The following TSBP1 variants were observed in gnomAD, a reference collection of about 807,000 sequenced individuals.
TSBP1 encodes the protein testis-expressed basic protein 1.
Under a neutral mutation model 68.8 loss-of-function variants are expected in TSBP1, and 56 were observed. The observed-to-expected ratio is 0.81, with a 90% CI of 0.66 to 1.02. TSBP1 has a LOEUF of 1.02. TSBP1 is among the 50% of genes least tolerant of loss of function. TSBP1 has a pLI of 0.00. For missense variants in TSBP1, 502 were observed against 641.2 expected, an observed-to-expected ratio of 0.78 and a Z score of 2.34; for synonymous variants, 171 against 208.7, an observed-to-expected ratio of 0.82 and a Z score of 1.56.
chr6:32,334,278 CT>C (rs1280287254), intron 14 of TSBP1, among the ~76,000 whole-genome samples: 15 of 151,850 alleles, frequency 9.9e-5, no homozygotes, highest in African/African-American at 3.6e-4. Flanking sequence ...AAATTTTCTC[CT>C]ATTTATCTCT....
chr6:32,347,582 C>T (rs1320695802), intron 9 of TSBP1, among the ~76,000 whole-genome samples: 1 of 152,132 alleles, frequency 6.6e-6, no homozygotes, highest in Non-Finnish European at 1.5e-5. Flanking sequence ...GATGGTCATT[C>T]TCTCCCATTT....
chr6:32,367,487 AG>A (rs1404127023), intron 4 of TSBP1, among the ~76,000 whole-genome samples: 6 of 152,204 alleles, frequency 3.9e-5, no homozygotes, highest in Non-Finnish European at 8.8e-5. Context: ...CTCCTCAGCT[AG>A]GTGAACTTGA....
chr6:32,336,551 G>C lies in TSBP1; in HGVS notation c.430+64C>G. 1 of 1,339,530 alleles carries C rather than the reference G, an allele frequency of 7.5e-7. No homozygotes were observed. Among genetic ancestry groups the C allele is most frequent in the South Asian group, 1.2e-5 (1 of 84,586 alleles). The allele number at this position is 1,339,530 out of a possible 1,614,324, so 83.0% of individuals were successfully genotyped here. A position where few individuals can be genotyped will look rare whatever the true frequency, so the allele number is the denominator to read the frequency against. ...TTTTTAAAAATGCAGGGCAGATCAG[G>C]CCCCAAGACCTTGTAGGTCAGATAT... On this transcript the variant is annotated intron_variant, in intron 12 of 22. Transcript: ENST00000612031. The surrounding 1 kb of genome is among the most constrained non-coding windows in gnomAD (Gnocchi z 5.2).
rs1294809629 is a variant in TSBP1, at chr6:32,365,276, G to A, written c.217+891C>T. 1.3e-5 allele frequency: 6 copies of A among 456,234 alleles called. No homozygotes were observed. The East Asian group carries it at 2.8e-4, about 21-fold the overall frequency. The allele number at this position is 456,234 out of a possible 1,614,324, so 28.3% of individuals were successfully genotyped here. A position where few individuals can be genotyped will look rare whatever the true frequency, so the allele number is the denominator to read the frequency against. Reference sequence around the variant, plus strand: ...AGAGCCTTCCCTTTGTTTTCCCTAGGGTGGTGCTCTGGAATTCTCAAGTTT... The same window carrying A: ...AGAGCCTTCCCTTTGTTTTCCCTAGAGTGGTGCTCTGGAATTCTCAAGTTT... On this transcript the variant is annotated intron_variant, in intron 6 of 22. Transcript: ENST00000612031. The surrounding 1 kb of genome is among the most constrained non-coding windows in gnomAD (Gnocchi z 4.3).
chr6:32,310,192 T>C (rs1766241678), intron 19 of TSBP1, among the ~76,000 whole-genome samples: 1 of 149,812 alleles, frequency 6.7e-6, no homozygotes, highest in Non-Finnish European at 1.5e-5. Flanking sequence ...TCTCTGGTTG[T>C]CTTTATGATT....
intron 4 of TSBP1, among the ~76,000 whole-genome samples, chr6:32,367,301 C>G (rs1044035898): frequency 6.6e-6 from 1 of 150,528 alleles, no homozygotes; most frequent in South Asian, 2.1e-4. Flanking sequence ...CATCTATAGG[C>G]AGCCCTGGTG....
rs563122445 is a variant in TSBP1, at chr6:32,368,939, A to G, written c.101-125T>C. On this transcript the variant is annotated intron_variant, in intron 2 of 22. Coordinates refer to ENST00000612031, the Ensembl canonical transcript of TSBP1. Reference sequence around the variant, plus strand: ...CAAGGTGGTCCTCCTGATATAATGCATTGTTGTTCTCACCCATTTTCCACA... The same window carrying G: ...CAAGGTGGTCCTCCTGATATAATGCGTTGTTGTTCTCACCCATTTTCCACA... The G allele has an allele frequency of 2.8e-4, 322 of 1,136,810 alleles. 1 individual carries two copies. The highest frequency in any genetic ancestry group is 3.6e-4 in the Non-Finnish European group (302 of 831,512). 70.4% of individuals were successfully genotyped at this position (1,136,810 alleles called of 1,614,324 possible). A position where few individuals can be genotyped will look rare whatever the true frequency, so the allele number is the denominator to read the frequency against.
At position 32,293,155 on chromosome 6, in the gene TSBP1, ATCTC is replaced by A. The variant is rs1487191599; in HGVS notation, c.1514_1517del (p.Arg505MetfsTer67). The A allele has an allele frequency of 6.3e-7, 1 of 1,590,926 alleles. No homozygotes were observed. Among genetic ancestry groups the A allele is most frequent in the African/African-American group, 1.4e-5 (1 of 73,446 alleles). ...CTTTTTTATTTGGATCTTTCTCTGCATCTCTCTCCTTTTCTTTATCATTATTTCC... is the reference window on the plus strand; with the variant it reads ...CTTTTTTATTTGGATCTTTCTCTGCATCTCCTTTTCTTTATCATTATTTCC... On this transcript the variant is annotated frameshift_variant, in exon 23 of 23. Transcript: ENST00000612031. LOFTEE classifies it low-confidence loss of function (END_TRUNC).
chr6:32,295,352 A>C (rs879699369), intron 22 of TSBP1, among the ~76,000 whole-genome samples: 6,954 of 111,636 alleles, frequency 0.062, 181 homozygotes, highest in Non-Finnish European at 0.096. Flanking sequence ...ACACACACAA[A>C]AAAAAAAAAA....
chr6:32,366,159 A>T lies in TSBP1; in HGVS notation c.217+8T>A. 1.2e-6 allele frequency: 2 copies of T among 1,602,950 alleles called. No individual in the cohort carries two copies. The highest frequency in any genetic ancestry group is 1.7e-4 in the Middle Eastern group (1 of 5,942). On this transcript the variant is annotated splice_region_variant and intron_variant, in intron 6 of 22. Transcript: ENST00000612031. The stretch of plus-strand genomic sequence containing the variant: ...TTTAATTTTACAAAAATCTCTACAT[A>T]TACTTACCTCGGTTATCATATGAAG...
rs79941607 is a variant in TSBP1, at chr6:32,338,213, C to G, written c.409+766G>C. ...AATGGTTCTTAAACGTTGGTATGCA[C>G]GCAAATCACCTGGGAATCTTATTAA... is the stretch of plus-strand genomic sequence containing the variant. On this transcript the variant is annotated intron_variant, in intron 11 of 22. Transcript: ENST00000612031. The surrounding 1 kb of genome is among the most constrained non-coding windows in gnomAD (Gnocchi z 5.5). Among the ~76,000 whole-genome samples the G allele has an allele frequency of 3.8e-3, 577 of 152,156 alleles. 17 individuals are homozygous for G. The highest frequency in any genetic ancestry group is 0.037 in the Admixed American group (563 of 15,272).
chr6:32,295,358 A>G (rs150419191), intron 22 of TSBP1, among the ~76,000 whole-genome samples: 1 of 148,794 alleles, frequency 6.7e-6, no homozygotes, highest in Non-Finnish European at 1.5e-5. Flanking sequence ...ACAAAAAAAA[A>G]AAAAAAAAAA....
rs1212818786 is a variant in TSBP1 at position 32,338,675 on chromosome 6, C to T, written c.409+304G>A. ...AAGTAGAATGGCCACCATCAAGCCT[C>T]TTTCTTTGAGTGTTACTGGGTTTTC... On this transcript the variant is annotated intron_variant, in intron 11 of 22. Transcript: ENST00000612031. The surrounding 1 kb of genome is among the most constrained non-coding windows in gnomAD (Gnocchi z 5.5). 2.0e-5 allele frequency among the ~76,000 whole-genome samples: 3 copies of T among 152,150 alleles called. No homozygotes were observed. Among genetic ancestry groups the T allele is most frequent in the African/African-American group, 7.2e-5 (3 of 41,428 alleles).
Position 32,325,890 on chromosome 6 carries a change from T to C in TSBP1, c.515-2276A>G, listed in dbSNP as rs577815444. ...ATCATGGAGGAAACTTCAGTGGTTG[T>C]GGTGGCTTTGGTGGCAGCTGTGGTG... On this transcript the variant is annotated intron_variant, in intron 16 of 22. Transcript: ENST00000612031. This position sits in a 1 kb window ranked among gnomAD's most constrained non-coding sequence, Gnocchi z 4.4. 71 of 1,510,968 alleles carry C rather than the reference T, an allele frequency of 4.7e-5. No individual in the cohort carries two copies. Among genetic ancestry groups the C allele is most frequent in the Non-Finnish European group, 1.2e-5 (13 of 1,101,158 alleles). The allele number at this position is 1,510,968 out of a possible 1,614,324, so 93.6% of individuals were successfully genotyped here.
chr6:32,292,967 T>C lies in TSBP1; in HGVS notation c.*14A>G, dbSNP rs1764297678. 1 of 1,548,672 alleles carries C rather than the reference T, an allele frequency of 6.5e-7. No homozygotes were observed. Among genetic ancestry groups the C allele is most frequent in the Non-Finnish European group, 8.8e-7 (1 of 1,134,798 alleles). Reference sequence around the variant, plus strand: ...AATAATCACTTGTCTTATGGGCCTTTAAAAAATTTATCCTTACTCTTCCAC... The same window carrying C: ...AATAATCACTTGTCTTATGGGCCTTCAAAAAATTTATCCTTACTCTTCCAC... On this transcript the variant is annotated 3_prime_UTR_variant, in exon 23 of 23. Transcript: ENST00000612031. This position sits in a 1 kb window ranked among gnomAD's most constrained non-coding sequence, Gnocchi z 4.1.
chr6:32,323,706 A>G (rs909366919), intron 16 of TSBP1, 92 bp from the exon 18 acceptor site: 5 of 1,121,446 alleles, frequency 4.5e-6, no homozygotes, highest in Middle Eastern at 4.0e-4. Flanking sequence ...GGTCATTATA[A>G]CAATAGGGAA....
At chr6:32,322,365 C>A (rs1264025801) in intron 18 of TSBP1, 121 bp downstream of exon 20, 4 of 733,722 alleles carry the variant, frequency 5.5e-6, no homozygotes, top group African/African-American at 5.3e-5. Flanking sequence ...CAGTCCTAAT[C>A]TTGAAGACTT....
At chr6:32,339,486 C>T (rs780761291) in intron 10 of TSBP1, 114 bp downstream of exon 11, 12 of 752,474 alleles carry the variant, frequency 1.6e-5, no homozygotes, top group Non-Finnish European at 3.0e-5. Flanking sequence ...TATAGAATAT[C>T]AAAATCATTA....
chr6:32,330,482 C>T, intron 16 of TSBP1, 107 bp downstream of exon 17: 1 of 968,948 alleles, frequency 1.0e-6, no homozygotes, highest in East Asian at 2.5e-5. Context: ...AATAACTGCT[C>T]TTATGGCAGT....
Sources: gnomAD v4.1 joint callset for allele counts (sites outside exome capture counted in the v4.1 genomes callset) on GRCh38, gnomAD v4.1.1 for gene constraint, Gnocchi (gnomAD v3.1) non-coding constraint, MANE v1.5 for transcripts, NCBI Gene and HGNC (gene_info 2026-07-23, HGNC 2026-07-21) for gene names.